PRKDC: variants seen among roughly 807,000 people sequenced by gnomAD.
PRKDC encodes the protein DNA-dependent protein kinase catalytic subunit.
In PRKDC, 82 loss-of-function variants were observed where a neutral mutation model predicts 486.9. That is an observed-to-expected ratio of 0.17 (90% CI 0.14 to 0.20). The LOEUF (loss-of-function observed/expected upper bound fraction) is 0.20. Among genes scored for constraint, PRKDC ranks in the 10% least tolerant of loss-of-function variants. PRKDC has a pLI of 1.00. For synonymous variants in PRKDC, 1,895 were observed against 1,837.0 expected (o/e 1.03, Z -0.81); for missense variants, 4,504 against 5,038.2 (o/e 0.89, Z 3.21).
At chr8:47,931,274 A>G (rs951862914) in intron 16 of PRKDC, among the ~76,000 whole-genome samples, 6 of 152,216 alleles carry the variant, frequency 3.9e-5, no homozygotes, top group African/African-American at 1.4e-4. Flanking sequence ...AAAATGTTGC[A>G]CAAGTAGTTA....
intron 32 of PRKDC, among the ~76,000 whole-genome samples, chr8:47,889,853 G>T (rs2089420673): frequency 6.6e-6 from 1 of 152,116 alleles, no homozygotes; most frequent in Non-Finnish European, 1.5e-5. Context: ...TTTGCAAATT[G>T]CTAAGAAAAT....
In PRKDC at chr8:47,934,025, C is replaced by A; in HGVS notation, c.1563G>T (p.Val521=). The part of the protein sequence containing the change: ...SGEVRTGKWK[V]PTYKDYVDLF... Reference sequence around the variant, plus strand: ...GATCCACGTAGTCTTTGTATGTGGGCACCTTCCATTTGCCAGTTCTGACTT... The same window carrying A: ...GATCCACGTAGTCTTTGTATGTGGGAACCTTCCATTTGCCAGTTCTGACTT... The change falls in exon 15 of 86, where the codon GTG becomes GTT. Residue 521 remains valine (V), a synonymous_variant. Coordinates refer to ENST00000314191, the MANE Select transcript of PRKDC (RefSeq NM_006904.7). The A allele has an allele frequency of 6.2e-7, 1 of 1,613,694 alleles. No homozygotes were observed. Among genetic ancestry groups the A allele is most frequent in the Non-Finnish European group, 8.5e-7 (1 of 1,179,784 alleles).
intron 80 of PRKDC, among the ~76,000 whole-genome samples, chr8:47,779,815 C>G (rs2086668231): frequency 6.6e-6 from 1 of 152,032 alleles, no homozygotes; most frequent in Non-Finnish European, 1.5e-5. Flanking sequence ...GTCTCGAATG[C>G]CTGACCTCGT....
At position 47,882,018 on chromosome 8, in the gene PRKDC, G is replaced by C. The variant is rs56182356; in HGVS notation, c.4856C>G (p.Ala1619Gly). The C allele has an allele frequency of 8.9e-5, 144 of 1,613,872 alleles. No individual in the cohort carries two copies. The highest frequency in any genetic ancestry group is 2.7e-4 in the East Asian group (12 of 44,890). Residue 1619 changes from alanine to glycine, a missense_variant, in exon 37 of 86, where the codon GCG becomes GGG. Transcript: ENST00000314191. Reference sequence around the variant, plus strand: ...CTTCCAGTGTTGCAGAATTGTAGTCGCAAGTTTCAGTCCTTGGTGTTTCTG... The same window carrying C: ...CTTCCAGTGTTGCAGAATTGTAGTCCCAAGTTTCAGTCCTTGGTGTTTCTG... ...ANQKHQGLKL[A>G]TTILQHWKKC...
intron 70 of PRKDC, among the ~76,000 whole-genome samples, chr8:47,802,184 C>T (rs944611890): frequency 2.0e-5 from 3 of 152,172 alleles, no homozygotes; most frequent in African/African-American, 7.2e-5. Context: ...TCAAGCCATC[C>T]TCCCGCCTCA....
chr8:47,915,096 G>C (rs560911673), intron 23 of PRKDC, among the ~76,000 whole-genome samples: 106 of 152,228 alleles, frequency 7.0e-4, no homozygotes, highest in Non-Finnish European at 1.3e-3. Flanking sequence ...TTTCAAACTG[G>C]ATAACATGCT....
chr8:47,816,006 G>C (rs562427557), intron 68 of PRKDC, among the ~76,000 whole-genome samples: 1 of 152,300 alleles, frequency 6.6e-6, no homozygotes, highest in African/African-American at 2.4e-5. Context: ...TTGAGGTCAG[G>C]AGTTCAAGAC....
chr8:47,864,448 C>T, intron 41 of PRKDC, 108 bp downstream of exon 41: 1 of 999,596 alleles, frequency 1.0e-6, no homozygotes, highest in African/African-American at 1.6e-5. Flanking sequence ...TGTTATGTGG[C>T]ACACTCCTTG....
At chr8:47,926,689 G>T (rs1179434884) in intron 21 of PRKDC, 1 of 152,212 alleles carries the variant, frequency 6.6e-6, no homozygotes, top group East Asian at 1.9e-4. Flanking sequence ...GACCTGGGCA[G>T]ATAATTTTTT....
intron 54 of PRKDC, among the ~76,000 whole-genome samples, chr8:47,845,193 G>A (rs1210973757): frequency 6.6e-6 from 1 of 152,118 alleles, no homozygotes; most frequent in African/African-American, 2.4e-5. Context: ...CTGCACTCCA[G>A]CCTGGGCAAC....
At chr8:47,775,346 A>G (rs1470990235) in intron 85 of PRKDC, among the ~76,000 whole-genome samples, 1 of 147,516 alleles carries the variant, frequency 6.8e-6, no homozygotes, top group African/African-American at 2.5e-5. Context: ...AAGAAATGTC[A>G]GTTCAAGTCT....
rs780300848 is a variant in PRKDC at position 47,943,166 on chromosome 8, G to A, written c.966+43C>T. The A allele has an allele frequency of 6.9e-6, 11 of 1,588,594 alleles. No homozygotes were observed. The South Asian group carries it at 8.0e-5, about 12-fold the overall frequency. ...GCATGCAAAGGGAATTTAATTCTGT[G>A]TGTGAAAGAAATATTGTTAAATGAC... On this transcript the variant is annotated intron_variant, in intron 10 of 85. Transcript: ENST00000314191.
Position 47,862,464 on chromosome 8 carries a change from G to A in PRKDC, c.5828C>T (p.Ala1943Val). Residue 1943 changes from alanine to valine, a missense_variant, in exon 43 of 86, where the codon GCA becomes GTA. Ala to Val is a moderately conservative substitution (Grantham distance 64). Transcript: ENST00000314191. ...LLERRRLYHCAAYNCAISVIC... is the reference protein window; with the variant it reads ...LLERRRLYHCVAYNCAISVIC... Reference sequence around the variant, plus strand: ...GACAGATATGGCGCAGTTGTATGCTGCACAATGGTAAAGTCTTCTCCTCTC... The same window carrying A: ...GACAGATATGGCGCAGTTGTATGCTACACAATGGTAAAGTCTTCTCCTCTC... 6.2e-7 allele frequency: 1 copy of A among 1,613,890 alleles called. No individual in the cohort carries two copies. The highest frequency in any genetic ancestry group is 8.5e-7 in the Non-Finnish European group (1 of 1,179,828).
intron 35 of PRKDC, 46 bp from the exon 36 acceptor site, chr8:47,886,193 C>CCATGCAAAG: frequency 6.8e-7 from 1 of 1,467,460 alleles, no homozygotes; most frequent in Non-Finnish European, 9.1e-7. Context: ...CACATCTTTG[C>CCATGCAAAG]ATGGCACAGA....
chr8:47,822,703 T>C (rs2087630722), intron 64 of PRKDC, among the ~76,000 whole-genome samples: 2 of 152,032 alleles, frequency 1.3e-5, no homozygotes, highest in South Asian at 4.1e-4. Flanking sequence ...GGCAGGAGAA[T>C]GGCGTGAACC....
rs530842546 is a variant in PRKDC at position 47,887,644 on chromosome 8, G to T, written c.4475C>A (p.Ala1492Asp). 2 of 1,608,654 alleles carry T rather than the reference G, an allele frequency of 1.2e-6. No individual in the cohort carries two copies. The highest frequency in any genetic ancestry group is 2.2e-5 in the South Asian group (2 of 89,410). Residue 1492 changes from alanine to aspartate, a missense_variant, in exon 35 of 86, where the codon GCC becomes GAC. Around this residue, in one of 6 missense-constraint regions of PRKDC, gnomAD observed 1,969 missense variants for 2,068.9 expected, o/e 0.95. Transcript: ENST00000314191. ...ELLSLVYKGI[A>D]PGDERQCLPS... is the part of the protein sequence containing the mutation. ...CAGACACTGTCTCTCATCTCCAGGG[G>T]CAATGCCTTTATAAACCAGGGAAAG...
intron 25 of PRKDC, among the ~76,000 whole-genome samples, chr8:47,908,242 T>C (rs530003892): frequency 1.3e-5 from 2 of 152,358 alleles, no homozygotes; most frequent in African/African-American, 4.8e-5. Context: ...TAATTTGAAG[T>C]TCCTTGTTTA....
Position 47,897,274 on chromosome 8 carries a change from G to A in PRKDC, c.3485C>T (p.Ser1162Leu), listed in dbSNP as rs1269058736. ...RLPRGFPPSA[S>L]LCLLDLVKWL... The stretch of plus-strand genomic sequence containing the variant: ...CTTGACCAGATCCAATAAACACAAT[G>A]ATGCGGAAGGTGGAAATCCTCTGCA... The change falls in exon 30 of 86, where the codon TCA becomes TTA. Residue 1162 changes from serine (S) to leucine (L), a missense_variant. By Grantham distance (145) the Ser-to-Leu change is moderately radical. Coordinates refer to ENST00000314191, the MANE Select transcript of PRKDC (RefSeq NM_006904.7). 1 of 1,596,766 alleles carries A rather than the reference G, an allele frequency of 6.3e-7. No individual in the cohort carries two copies. The highest frequency in any genetic ancestry group is 1.3e-5 in the African/African-American group (1 of 74,860).
chr8:47,786,440 A>C (rs1336776616), intron 76 of PRKDC, among the ~76,000 whole-genome samples: 1 of 152,154 alleles, frequency 6.6e-6, no homozygotes, highest in Non-Finnish European at 1.5e-5. Context: ...CATGGTTAGT[A>C]GTGACTTTTA....
Sources: gnomAD v4.1 joint callset for allele counts (sites outside exome capture counted in the v4.1 genomes callset) on GRCh38, gnomAD v4.1.1 for gene constraint, gnomAD v4.1.1 regional missense constraint, MANE v1.5 for transcripts, NCBI Gene and HGNC (gene_info 2026-07-23, HGNC 2026-07-21) for gene names.